CDKN2B-AS1: variants seen among roughly 807,000 people sequenced by gnomAD.
CDKN2B-AS1 encodes CDKN2B antisense RNA 1 (non-protein coding).
rs556911573 is a variant in CDKN2B-AS1 at position 21,995,683 on chromosome 9, G to C, written n.29+522G>C. The C allele has an allele frequency of 1.3e-5, 2 of 152,902 alleles. No individual in the cohort carries two copies. Among genetic ancestry groups the C allele is most frequent in the South Asian group, 4.1e-4 (2 of 4,834 alleles). 9.5% of individuals were successfully genotyped at this position (152,902 alleles called of 1,614,324 possible). ...GGAAGGAGCGGCAGAAAGGAGGGGT[G>C]AGTCGAGGACACAGGGGCAGCCGGA... On this transcript the variant is annotated intron_variant and non_coding_transcript_variant, in intron 1 of 4. Transcript: ENST00000650946. This position sits in a 1 kb window ranked among gnomAD's most constrained non-coding sequence, Gnocchi z 5.7.
At chr9:22,026,594 C>T (rs185544734) in intron 1 of CDKN2B-AS1, among the ~76,000 whole-genome samples, 5 of 152,172 alleles carry the variant, frequency 3.3e-5, no homozygotes, top group Admixed American at 6.5e-5. Flanking sequence ...TCCTGTGAGG[C>T]GCTGTGGAAG....
chr9:22,030,539 G>A (rs1265974793), intron 1 of CDKN2B-AS1: 1 of 152,110 alleles, frequency 6.6e-6, no homozygotes. Context: ...ATTGTAAGAG[G>A]TGGAAAAAGA....
At chr9:22,068,997 A>T (rs1274772482) in intron 4 of CDKN2B-AS1, among the ~76,000 whole-genome samples, 3 of 152,070 alleles carry the variant, frequency 2.0e-5, no homozygotes, top group Non-Finnish European at 4.4e-5. Context: ...GCCATCAGAA[A>T]CTCATTTGCA....
intron 1 of CDKN2B-AS1, among the ~76,000 whole-genome samples, chr9:22,025,463 T>A (rs1371005752): frequency 6.6e-6 from 1 of 152,190 alleles, no homozygotes; most frequent in African/African-American, 2.4e-5. Context: ...GTTGCTGAGT[T>A]GCTATTGGCT....
chr9:22,049,051 G>A (rs1823225909), intron 2 of CDKN2B-AS1: 1 of 152,018 alleles, frequency 6.6e-6, no homozygotes, highest in Non-Finnish European at 1.5e-5. Context: ...ATTTTCCAGT[G>A]GTGTTTCTAA....
chr9:22,099,388 C>T (rs1412099224), intron 4 of CDKN2B-AS1, among the ~76,000 whole-genome samples: 1 of 152,166 alleles, frequency 6.6e-6, no homozygotes, highest in African/African-American at 2.4e-5. Context: ...AGAAAAATTA[C>T]TTTGGCAGGA....
intron 1 of CDKN2B-AS1, among the ~76,000 whole-genome samples, chr9:22,017,874 A>G (rs913638631): frequency 4.7e-5 from 7 of 149,168 alleles, no homozygotes; most frequent in Admixed American, 2.0e-4. Flanking sequence ...TGCTTGAGTT[A>G]GATATGTTGA....
rs1210287634 is a variant in CDKN2B-AS1, at chr9:22,106,818, C to T, written n.439-20285C>T. 3.9e-5 allele frequency among the ~76,000 whole-genome samples: 6 copies of T among 152,112 alleles called. 1 individual carries two copies. The highest frequency in any genetic ancestry group is 3.9e-4 in the Admixed American group (6 of 15,260). On this transcript the variant is annotated intron_variant and non_coding_transcript_variant, in intron 4 of 4. Coordinates refer to ENST00000650946, the Ensembl canonical transcript of CDKN2B-AS1. ...ACTGAAAACTAAATACAGTGCTAAA[C>T]TCTTTAAAAGGAGTATCTAATTGGA...
chr9:22,054,635 A>G (rs891708175), intron 3 of CDKN2B-AS1, among the ~76,000 whole-genome samples: 2 of 151,720 alleles, frequency 1.3e-5, no homozygotes, highest in Non-Finnish European at 2.9e-5. Flanking sequence ...TCAAATCCAT[A>G]TCCTTTCTAT....
intron 4 of CDKN2B-AS1, among the ~76,000 whole-genome samples, chr9:22,064,522 C>CT (rs1392181798): frequency 6.6e-6 from 1 of 152,180 alleles, no homozygotes; most frequent in Non-Finnish European, 1.5e-5. Flanking sequence ...AATTGACTTT[C>CT]TTTCAGCATA....
intron 4 of CDKN2B-AS1, among the ~76,000 whole-genome samples, chr9:22,084,205 C>T (rs1400317584): frequency 6.6e-6 from 1 of 152,096 alleles, no homozygotes; most frequent in Non-Finnish European, 1.5e-5. Context: ...AATAATTGAG[C>T]CAGAATTTGA....
chr9:22,059,970 C>T (rs1823745569), intron 4 of CDKN2B-AS1, among the ~76,000 whole-genome samples: 1 of 152,274 alleles, frequency 6.6e-6, no homozygotes, highest in South Asian at 2.1e-4. Flanking sequence ...CTAGGCTGCC[C>T]ATGGCGCAGG....
chr9:22,089,245 T>C (rs1824975911), intron 4 of CDKN2B-AS1, among the ~76,000 whole-genome samples: 1 of 152,188 alleles, frequency 6.6e-6, no homozygotes, highest in South Asian at 2.1e-4. Flanking sequence ...CCCAGAATAG[T>C]CTTTGGAGCA....
rs1681382968 is a variant in CDKN2B-AS1 at position 21,997,279 on chromosome 9, A to G, written n.29+2118A>G. Among the ~76,000 whole-genome samples, 1 of 152,200 alleles carries G rather than the reference A, an allele frequency of 6.6e-6. No homozygotes were observed. Among genetic ancestry groups the G allele is most frequent in the African/African-American group, 2.4e-5 (1 of 41,444 alleles). Reference sequence around the variant, plus strand: ...CATAGAAAAGGTAGTATGTTGTGCTACAACTTTAGGACAGCTATGACATCA... The same window carrying G: ...CATAGAAAAGGTAGTATGTTGTGCTGCAACTTTAGGACAGCTATGACATCA... On this transcript the variant is annotated intron_variant and non_coding_transcript_variant, in intron 1 of 4. Transcript: ENST00000650946. The surrounding 1 kb of genome is among the most constrained non-coding windows in gnomAD (Gnocchi z 4.8).
At chr9:22,015,792 T>A (rs1821726894) in intron 1 of CDKN2B-AS1, among the ~76,000 whole-genome samples, 2 of 152,338 alleles carry the variant, frequency 1.3e-5, no homozygotes, top group South Asian at 4.1e-4. Context: ...CCATTCTAAC[T>A]GGTGTGAGAT....
At chr9:22,021,156 G>C (rs1173481729) in intron 1 of CDKN2B-AS1, among the ~76,000 whole-genome samples, 1 of 152,144 alleles carries the variant, frequency 6.6e-6, no homozygotes, top group Non-Finnish European at 1.5e-5. Context: ...GCTTGTTTTT[G>C]TCAGGTTTGT....
At chr9:22,041,237 CT>C (rs775665661) in intron 1 of CDKN2B-AS1, among the ~76,000 whole-genome samples, 1 of 151,942 alleles carries the variant, frequency 6.6e-6, no homozygotes, top group Non-Finnish European at 1.5e-5. Context: ...AATAGACAAT[CT>C]GAAGTGATGA....
At chr9:22,123,527 G>A (rs1305306110) in intron 4 of CDKN2B-AS1, among the ~76,000 whole-genome samples, 1 of 152,174 alleles carries the variant, frequency 6.6e-6, no homozygotes, top group Non-Finnish European at 1.5e-5. Context: ...ACCAAAAGAG[G>A]TGAGGGATGG....
At chr9:22,035,631 G>A (rs1180947095) in intron 1 of CDKN2B-AS1, among the ~76,000 whole-genome samples, 1 of 152,078 alleles carries the variant, frequency 6.6e-6, no homozygotes, top group Non-Finnish European at 1.5e-5. Context: ...CCAATATATT[G>A]GCTGCTTCTC....
Sources: allele counts gnomAD v4.1 joint callset (sites outside exome capture counted in the v4.1 genomes callset), GRCh38; gene constraint gnomAD v4.1.1; non-coding constraint Gnocchi (gnomAD v3.1); transcripts MANE v1.5; gene names NCBI Gene and HGNC (gene_info 2026-07-23, HGNC 2026-07-21).